Variants in DLGAP1 observed in about 807,000 individuals in gnomAD.
DLGAP1 encodes the protein DLG associated protein 1.
A neutral mutation model predicts 90.8 loss-of-function variants in DLGAP1; 11 were observed. The observed-to-expected ratio is 0.12, with a 90% CI of 0.08 to 0.20. DLGAP1 has a LOEUF of 0.20. Ranked by LOEUF, DLGAP1 falls within the 10% of genes least tolerant of loss-of-function variation. The probability of loss-of-function intolerance (pLI) is 1.00; values close to 1 mark genes in which losing one functional copy is unlikely to be tolerated. For synonymous variants in DLGAP1, 558 were observed against 540.7 expected (o/e 1.03, Z -0.44); for missense variants, 1,050 against 1,333.8 (o/e 0.79, Z 3.31).
At chr18:4,202,960 T>C (rs2077635568) in intron 1 of DLGAP1, among the ~76,000 whole-genome samples, 1 of 152,178 alleles carries the variant, frequency 6.6e-6, no homozygotes, top group Non-Finnish European at 1.5e-5. Flanking sequence ...TCTGAATTAG[T>C]CCTTAAATCA....
chr18:3,974,476 A>G (rs1489941390), intron 3 of DLGAP1, among the ~76,000 whole-genome samples: 1 of 152,202 alleles, frequency 6.6e-6, no homozygotes, highest in Non-Finnish European at 1.5e-5. Context: ...TCAGATTTCA[A>G]TAGTTCTTCA....
intron 5 of DLGAP1, among the ~76,000 whole-genome samples, chr18:3,747,255 G>A (rs1170824818): frequency 6.6e-6 from 1 of 152,134 alleles, no homozygotes; most frequent in Non-Finnish European, 1.5e-5. Context: ...TCAAGTAGTG[G>A]TCAAACATGA....
intron 1 of DLGAP1, among the ~76,000 whole-genome samples, chr18:4,212,509 TA>T (rs3041112): frequency 0.013 from 1,738 of 136,628 alleles, 26 homozygotes; most frequent in African/African-American, 0.037. Flanking sequence ...CTACTAAAGT[TA>T]AAAAAAAAAA....
chr18:4,181,548 C>G (rs73371014), intron 1 of DLGAP1, among the ~76,000 whole-genome samples: 3,490 of 152,282 alleles, frequency 0.023, 138 homozygotes, highest in African/African-American at 0.078. Flanking sequence ...TGAAAACACT[C>G]TTATTCGTAA....
At chr18:3,888,579 A>G (rs1217963397) in intron 3 of DLGAP1, among the ~76,000 whole-genome samples, 1 of 152,132 alleles carries the variant, frequency 6.6e-6, no homozygotes, top group African/African-American at 2.4e-5. Context: ...CAACGACTCA[A>G]CTGAAATCTT....
At chr18:3,705,214 T>C (rs1159359184) in intron 7 of DLGAP1, among the ~76,000 whole-genome samples, 1 of 152,184 alleles carries the variant, frequency 6.6e-6, no homozygotes, top group Non-Finnish European at 1.5e-5. Context: ...GCGAACCATC[T>C]GCAAGGCTAT....
chr18:4,283,031 A>T (rs942644036), intron 1 of DLGAP1, among the ~76,000 whole-genome samples: 8 of 152,178 alleles, frequency 5.3e-5, no homozygotes, highest in Admixed American at 4.6e-4. Flanking sequence ...ATGAAAAATG[A>T]CAAAATGAAT....
At chr18:3,581,811 C>G (rs904810762) in intron 8 of DLGAP1, 64 bp downstream of exon 8, 2 of 1,574,644 alleles carry the variant, frequency 1.3e-6, no homozygotes, top group Admixed American at 1.8e-5. Context: ...TCCGGGGAAA[C>G]AAAAAGTGTT....
intron 1 of DLGAP1, among the ~76,000 whole-genome samples, chr18:4,291,971 T>TG (rs1044313327): frequency 6.6e-6 from 1 of 152,188 alleles, no homozygotes; most frequent in Non-Finnish European, 1.5e-5. Flanking sequence ...TAGAATTCTC[T>TG]GGGGTACTGT....
chr18:4,400,036 C>T (rs906998003), intron 1 of DLGAP1, among the ~76,000 whole-genome samples: 6 of 152,100 alleles, frequency 3.9e-5, no homozygotes, highest in African/African-American at 1.4e-4. Context: ...TGCAGTGACA[C>T]CTGCACCACT....
At position 3,772,331 on chromosome 18, in the gene DLGAP1, CT is replaced by C. The variant is rs1457327435; in HGVS notation, c.1173-29820del. Among the ~76,000 whole-genome samples, 431 of 53,374 alleles carry C rather than the reference CT, an allele frequency of 8.1e-3. 18 individuals are homozygous for C. Among genetic ancestry groups the C allele is most frequent in the African/African-American group, 0.02 (417 of 20,690 alleles). The allele number at this position is 53,374 out of a possible 152,430, so 35.0% of individuals were successfully genotyped here. A position where few individuals can be genotyped will look rare whatever the true frequency, so the allele number is the denominator to read the frequency against. The stretch of plus-strand genomic sequence containing the variant: ...TCTCCTTCCTTCCTTCCTTTCTCTC[CT>C]TCTCTCTCTCTCTCTCTTTCTTTCT... On this transcript the variant is annotated intron_variant, in intron 5 of 12. Transcript: ENST00000315677.
chr18:3,821,288 C>CA (rs56279066), intron 4 of DLGAP1, among the ~76,000 whole-genome samples: 23,084 of 72,802 alleles, frequency 0.32, 3,667 homozygotes, highest in South Asian at 0.39. Flanking sequence ...GACTCTGTGT[C>CA]AAAAAAAAAA....
At chr18:3,716,432 G>C (rs929541982) in intron 7 of DLGAP1, among the ~76,000 whole-genome samples, 8 of 152,066 alleles carry the variant, frequency 5.3e-5, no homozygotes, top group African/African-American at 1.7e-4. Flanking sequence ...GCTACTCAGG[G>C]GGCTGAAGTG....
chr18:4,236,389 C>T (rs921091390), intron 1 of DLGAP1, among the ~76,000 whole-genome samples: 6 of 152,156 alleles, frequency 3.9e-5, no homozygotes, highest in Admixed American at 1.3e-4. Flanking sequence ...GGATAGTGTG[C>T]AAACTGCACC....
chr18:3,913,919 T>C (rs1268597142), intron 3 of DLGAP1, among the ~76,000 whole-genome samples: 2 of 152,256 alleles, frequency 1.3e-5, no homozygotes, highest in African/African-American at 4.8e-5. Context: ...ATGGGAAACC[T>C]GTTACTAATT....
At position 4,437,524 on chromosome 18, in the gene DLGAP1, T is replaced by C. The variant is rs1251158092; in HGVS notation, c.-267+17482A>G. 2.6e-5 allele frequency among the ~76,000 whole-genome samples: 4 copies of C among 152,114 alleles called. No individual in the cohort carries two copies. The East Asian group carries it at 7.7e-4, about 29-fold the overall frequency. On this transcript the variant is annotated intron_variant, in intron 1 of 12. Transcript: ENST00000315677. ...CAATATAATGTAAATGTTATCTAAA[T>C]AGTTGTTACACTGCGTTGTTTAGGG...
At chr18:4,246,359 T>C (rs902478071) in intron 1 of DLGAP1, among the ~76,000 whole-genome samples, 1 of 152,240 alleles carries the variant, frequency 6.6e-6, no homozygotes, top group Non-Finnish European at 1.5e-5. Context: ...AAAGCATTTA[T>C]GTATAACAGT....
intron 3 of DLGAP1, among the ~76,000 whole-genome samples, chr18:3,964,571 G>A (rs1345453837): frequency 1.3e-5 from 2 of 152,154 alleles, no homozygotes; most frequent in Non-Finnish European, 2.9e-5. Flanking sequence ...AGTTGTCGCT[G>A]CAGTGGATGA....
chr18:3,728,410 C>T (rs1200686831), intron 7 of DLGAP1, among the ~76,000 whole-genome samples: 2 of 151,294 alleles, frequency 1.3e-5, no homozygotes, highest in African/African-American at 2.4e-5. Context: ...ATATAGCCCA[C>T]GGCTATATTA....
Sources: allele counts gnomAD v4.1 joint callset (sites outside exome capture counted in the v4.1 genomes callset), GRCh38; gene constraint gnomAD v4.1.1; transcripts MANE v1.5; gene names NCBI Gene and HGNC (gene_info 2026-07-23, HGNC 2026-07-21).